The following CYBB variants were observed in gnomAD, a reference collection of about 807,000 sequenced individuals.
The protein encoded by CYBB is NADPH oxidase 2.
A neutral mutation model predicts 46.5 loss-of-function variants in CYBB; 5 were observed. The ratio of observed to expected loss-of-function variants is 0.11; its 90% CI spans 0.06 to 0.23. The LOEUF is 0.23. CYBB is among the 10% of genes least tolerant of loss of function. The pLI is 1.00. For synonymous variants in CYBB, 183 were observed against 156.7 expected (o/e 1.17, Z -1.26); for missense variants, 307 against 428.3 (o/e 0.72, Z 2.50).
chrX:37,793,847 G>T (rs1002692986), intron 5 of CYBB, 37 bp downstream of exon 5: 7 of 1,163,699 alleles, frequency 6.0e-6, no homozygotes, highest in Non-Finnish European at 8.1e-6. Flanking sequence ...TATTCTCTAG[G>T]CCATTACAAT....
At chrX:37,788,272 C>CCCAATTTTCCCCAA (rs1929118920) in intron 3 of CYBB, among the ~76,000 whole-genome samples, 1 of 111,596 alleles carries the variant, frequency 9.0e-6, no homozygotes, top group Non-Finnish European at 1.9e-5. Context: ...GTGCAGGAGC[C>CCCAATTTTCCCCAA]AGTGAATTTT....
intron 11 of CYBB, among the ~76,000 whole-genome samples, chrX:37,806,858 GTCTCTC>G (rs1210324743): frequency 9.3e-6 from 1 of 107,064 alleles, no homozygotes; most frequent in African/African-American, 3.6e-5. Context: ...CTTTCTCTCT[GTCTCTC>G]TCTCTGTCTC....
intron 6 of CYBB, among the ~76,000 whole-genome samples, chrX:37,797,615 A>G (rs1320718529): frequency 8.9e-6 from 1 of 112,013 alleles, no homozygotes; most frequent in Non-Finnish European, 1.9e-5. Context: ...TACCATGGGA[A>G]CTTAGGCATT....
At position 37,801,300 on chromosome X, in the gene CYBB, G is replaced by A. The variant is rs782383208; in HGVS notation, c.849G>A (p.Glu283=). ...GTCCCATGTTTCTGTATCTCTGTGA[G>A]AGGTTGGTGCGGTTTTGGCGATCTC... ...IVGPMFLYLC[E]RLVRFWRSQQ... Residue 283 remains glutamate, a synonymous_variant, in exon 8 of 13, where the codon GAG becomes GAA. Transcript: ENST00000378588. The A allele has an allele frequency of 1.7e-6, 2 of 1,209,496 alleles. No homozygotes were observed. The highest frequency in any genetic ancestry group is 2.2e-6 in the Non-Finnish European group (2 of 893,782).
At chrX:37,809,033 T>C (rs1288228419) in intron 11 of CYBB, among the ~76,000 whole-genome samples, 1 of 112,457 alleles carries the variant, frequency 8.9e-6, no homozygotes, top group African/African-American at 3.2e-5. Flanking sequence ...TGTGACTATA[T>C]ACACATATGT....
intron 9 of CYBB, among the ~76,000 whole-genome samples, chrX:37,804,359 C>A (rs1260836883): frequency 9.0e-6 from 1 of 111,505 alleles, no homozygotes; most frequent in Non-Finnish European, 1.9e-5. Flanking sequence ...AATAAATACT[C>A]CCAAATTCCT....
Position 37,795,987 on chromosome X carries a change from T to C in CYBB, c.520T>C (p.Leu174=), listed in dbSNP as rs1556468332. Reference sequence around the variant, plus strand: ...AGGCCTGTACCTGGCTGTGACCCTGTTGGCAGGCATCACTGGAGTTGTCAT... The same window carrying C: ...AGGCCTGTACCTGGCTGTGACCCTGCTGGCAGGCATCACTGGAGTTGTCAT... ...EGGLYLAVTL[L]AGITGVVITL... is the part of the protein sequence containing the mutation. Residue 174 remains leucine (L), a synonymous_variant, in exon 6 of 13, where the codon TTG becomes CTG. Coordinates refer to ENST00000378588, the MANE Select transcript of CYBB (RefSeq NM_000397.4). 7 of 1,206,454 alleles carry C rather than the reference T, an allele frequency of 5.8e-6. No homozygotes were observed. In the Admixed American group the frequency reaches 1.5e-4, roughly 27 times the overall value.
chrX:37,805,103 G>T lies in CYBB; in HGVS notation c.1249G>T (p.Ala417Ser). ...VGAGIGVTPFASILKSVWYKY... is the reference protein window; with the variant it reads ...VGAGIGVTPFSSILKSVWYKY... Reference sequence around the variant, plus strand: ...AGCAGGGATTGGGGTCACACCCTTCGCATCCATTCTCAAGTCAGTCTGGTA... The same window carrying T: ...AGCAGGGATTGGGGTCACACCCTTCTCATCCATTCTCAAGTCAGTCTGGTA... Residue 417 changes from alanine to serine, a missense_variant, in exon 10 of 13, where the codon GCA (alanine) becomes TCA (serine). By Grantham distance (99) the Ala-to-Ser change is moderately conservative. Around this residue, in one of 3 missense-constraint regions of CYBB, gnomAD observed 122 missense variants for 208.3 expected, o/e 0.59. Transcript: ENST00000378588. 2 of 1,210,837 alleles carry T rather than the reference G, an allele frequency of 1.7e-6. No homozygotes were observed. Among genetic ancestry groups the T allele is most frequent in the Non-Finnish European group, 2.2e-6 (2 of 894,758 alleles).
Position 37,783,323 on chromosome X carries a change from G to T in CYBB, c.142-167G>T, listed in dbSNP as rs1556464804. 2.7e-5 allele frequency among the ~76,000 whole-genome samples: 3 copies of T among 111,548 alleles called. No individual in the cohort carries two copies. In the South Asian group the frequency reaches 1.1e-3, roughly 42 times the overall value. On this transcript the variant is annotated intron_variant, in intron 2 of 12. Transcript: ENST00000378588. Reference sequence around the variant, plus strand: ...AGGTCAATTTCAGATGAAAACAAAGGGTCCTAGCTAGCCCTAAAGGAAAAC... The same window carrying T: ...AGGTCAATTTCAGATGAAAACAAAGTGTCCTAGCTAGCCCTAAAGGAAAAC...
chrX:37,811,666 A>G lies in CYBB; in HGVS notation c.*749A>G, dbSNP rs1301452256. 2.7e-5 allele frequency: 3 copies of G among 112,425 alleles called. No homozygotes were observed. The highest frequency in any genetic ancestry group is 9.7e-5 in the African/African-American group (3 of 30,924). The allele number at this position is 112,425 out of a possible 1,213,427, so 9.3% of individuals were successfully genotyped here. On this transcript the variant is annotated 3_prime_UTR_variant, in exon 13 of 13. Coordinates refer to ENST00000378588, the MANE Select transcript of CYBB (RefSeq NM_000397.4). ...TAAATGAATGAATGAATTTAGAACCACACAATGCCAAGATAGAATTAATTT... is the reference window on the plus strand; with the variant it reads ...TAAATGAATGAATGAATTTAGAACCGCACAATGCCAAGATAGAATTAATTT...
intron 3 of CYBB, among the ~76,000 whole-genome samples, chrX:37,787,441 AT>A (rs1366271979): frequency 8.9e-6 from 1 of 111,746 alleles, no homozygotes; most frequent in African/African-American, 3.3e-5. Context: ...TTCTTGAAAT[AT>A]TTTTTTCTTA....
At chrX:37,787,051 A>G (rs1929086178) in intron 3 of CYBB, among the ~76,000 whole-genome samples, 1 of 112,055 alleles carries the variant, frequency 8.9e-6, no homozygotes, top group Non-Finnish European at 1.9e-5. Flanking sequence ...TGTGCTAAGC[A>G]CTGGGGACAT....
intron 11 of CYBB, among the ~76,000 whole-genome samples, chrX:37,807,151 G>A (rs1929582364): frequency 1.8e-5 from 2 of 110,447 alleles, no homozygotes; most frequent in Non-Finnish European, 3.8e-5. Context: ...ATTTAAGGTA[G>A]TCTAGACTAA....
chrX:37,799,052 C>A lies in CYBB; in HGVS notation c.772C>A (p.Pro258Thr). The A allele has an allele frequency of 8.3e-7, 1 of 1,207,951 alleles. No homozygotes were observed. The highest frequency in any genetic ancestry group is 1.1e-6 in the Non-Finnish European group (1 of 892,545). ...ISEWGKIKEC[P>T]IPQFAGNPPM... ...AGAATGGGGAAAAATAAAGGAATGC[C>A]CAATCCCTCAGTTTGCTGGAAACCC... Residue 258 changes from proline (P) to threonine (T), a missense_variant, in exon 7 of 13, where the codon CCA becomes ACA. By Grantham distance (38) the Pro-to-Thr change is conservative. Coordinates refer to ENST00000378588, the MANE Select transcript of CYBB (RefSeq NM_000397.4).
At chrX:37,795,271 A>G (rs1929277189) in intron 5 of CYBB, among the ~76,000 whole-genome samples, 1 of 111,555 alleles carries the variant, frequency 9.0e-6, no homozygotes, top group Non-Finnish European at 1.9e-5. Flanking sequence ...ACCGTTAGCC[A>G]ATAACTGGTG....
chrX:37,809,500 G>T, intron 11 of CYBB, 67 bp from the exon 12 acceptor site: 1 of 1,132,668 alleles, frequency 8.8e-7, no homozygotes. Flanking sequence ...TGTGAAGGAT[G>T]TAAATACATT....
chrX:37,799,191 A>T, intron 7 of CYBB, 107 bp downstream of exon 7: 3 of 767,916 alleles, frequency 3.9e-6, no homozygotes, highest in East Asian at 3.3e-5. Flanking sequence ...GTCCATTACA[A>T]ATGTCATGGA....
chrX:37,801,586 T>TTTGTG (rs781906145), intron 8 of CYBB, among the ~76,000 whole-genome samples: 3 of 84,595 alleles, frequency 3.5e-5, no homozygotes, highest in African/African-American at 1.4e-4. Context: ...CCCCCACCCA[T>TTTGTG]TGTGTGTGTG....
At chrX:37,793,885 C>T in intron 5 of CYBB, 75 bp downstream of exon 5, 1 of 1,021,424 alleles carries the variant, frequency 9.8e-7, no homozygotes, top group African/African-American at 1.9e-5. Context: ...TGAGTGAAGA[C>T]CTCTCCTTTG....
Sources: gnomAD v4.1 joint callset for allele counts (sites outside exome capture counted in the v4.1 genomes callset) on GRCh38, gnomAD v4.1.1 for gene constraint, gnomAD v4.1.1 regional missense constraint, MANE v1.5 for transcripts, NCBI Gene and HGNC (gene_info 2026-07-23, HGNC 2026-07-21) for gene names.